Variants in LRRK2 observed in about 807,000 individuals in gnomAD.
LRRK2 encodes leucine-rich repeat serine/threonine-protein kinase 2.
A neutral mutation model predicts 302.6 loss-of-function variants in LRRK2; 203 were observed. The observed-to-expected ratio is 0.67, with a 90% CI of 0.60 to 0.75. The LOEUF is 0.75. Among genes scored for constraint, LRRK2 ranks in the 30% least tolerant of loss-of-function variants. The probability of loss-of-function intolerance (pLI) is 0.00; values close to 1 mark genes in which losing one functional copy is unlikely to be tolerated. For missense variants in LRRK2, 2,830 were observed against 2,951.0 expected (o/e 0.96, Z 0.95); for synonymous variants, 1,066 against 1,031.9 (o/e 1.03, Z -0.63).
At chr12:40,261,489 A>G (rs1460658095) in intron 13 of LRRK2, among the ~76,000 whole-genome samples, 2 of 152,182 alleles carry the variant, frequency 1.3e-5, no homozygotes, top group African/African-American at 4.8e-5. Context: ...ATGTAAAAAA[A>G]TACATTTTAT....
intron 3 of LRRK2, among the ~76,000 whole-genome samples, chr12:40,233,820 C>T (rs951028487): frequency 1.3e-5 from 2 of 152,262 alleles, no homozygotes; most frequent in Middle Eastern, 3.4e-3. Context: ...AAATTTCATT[C>T]ACTCACTCAC....
intron 40 of LRRK2, among the ~76,000 whole-genome samples, 162 bp downstream of exon 40, chr12:40,335,319 A>G (rs1256303838): frequency 1.3e-5 from 2 of 152,222 alleles, no homozygotes; most frequent in African/African-American, 2.4e-5. Flanking sequence ...GTAATTTCAG[A>G]AAATAAGAGT....
At chr12:40,355,551 T>C (rs1238169751) in intron 45 of LRRK2, among the ~76,000 whole-genome samples, 1 of 132,434 alleles carries the variant, frequency 7.6e-6, no homozygotes, top group Non-Finnish European at 1.6e-5. Context: ...CTTCTTCTTT[T>C]TTTTTTTTTT....
intron 14 of LRRK2, among the ~76,000 whole-genome samples, chr12:40,268,447 T>A (rs1943108569): frequency 1.3e-5 from 2 of 152,178 alleles, no homozygotes; most frequent in Middle Eastern, 6.8e-3. Flanking sequence ...AAATTACATA[T>A]AAGTAAAATT....
chr12:40,296,763 A>G (rs1023773142), intron 23 of LRRK2, among the ~76,000 whole-genome samples: 1 of 152,124 alleles, frequency 6.6e-6, no homozygotes, highest in Non-Finnish European at 1.5e-5. Context: ...TTTTCTCTAA[A>G]GTTTTTATAT....
chr12:40,242,612 G>A lies in LRRK2; in HGVS notation c.707-938G>A, dbSNP rs147258655. ...TTGCCCTTCTGGAATGGAGGAAACA[G>A]GTCATAGCTGATTTTAACTGTTCCA... On this transcript the variant is annotated intron_variant, in intron 6 of 50. Coordinates refer to ENST00000298910, the MANE Select transcript of LRRK2 (RefSeq NM_198578.4). Among the ~76,000 whole-genome samples the A allele has an allele frequency of 1.7e-4, 26 of 151,778 alleles. No individual in the cohort carries two copies. The Middle Eastern group carries it at 0.01, about 60-fold the overall frequency.
rs569541268 is a variant in LRRK2, at chr12:40,304,270, A to T, written c.3777+136A>T. The T allele has an allele frequency of 1.4e-5, 11 of 779,226 alleles. 1 individual carries two copies. In the Admixed American group the frequency reaches 2.9e-4, roughly 21 times the overall value. The allele number at this position is 779,226 out of a possible 1,614,324, so 48.3% of individuals were successfully genotyped here. On this transcript the variant is annotated intron_variant, in intron 27 of 50. Coordinates refer to ENST00000298910, the MANE Select transcript of LRRK2 (RefSeq NM_198578.4). ...TTCCTGTTAACTATAAATTCCTGTC[A>T]ACTATAAATCCAGATTTCCATTAAA...
At chr12:40,225,374 G>C in intron 1 of LRRK2, 92 bp downstream of exon 1, 1 of 1,478,174 alleles carries the variant, frequency 6.8e-7, no homozygotes, top group South Asian at 1.2e-5. Context: ...CCTTGACCCT[G>C]CTCAAACCCG....
At chr12:40,317,245 A>G (rs1314770260) in intron 33 of LRRK2, among the ~76,000 whole-genome samples, 1 of 152,070 alleles carries the variant, frequency 6.6e-6, no homozygotes, top group Non-Finnish European at 1.5e-5. Flanking sequence ...TTAAAATGTC[A>G]ATAAAATGAT....
chr12:40,249,686 C>G, intron 7 of LRRK2, 140 bp from the exon 8 acceptor site: 1 of 917,244 alleles, frequency 1.1e-6, no homozygotes, highest in Non-Finnish European at 1.7e-6. Context: ...TCATATTAAG[C>G]TATTTTAATT....
Position 40,310,530 on chromosome 12 carries a change from C to T in LRRK2, c.4417C>T (p.Leu1473Phe), listed in dbSNP as rs1555187766. 1.2e-6 allele frequency: 2 copies of T among 1,612,578 alleles called. No individual in the cohort carries two copies. The highest frequency in any genetic ancestry group is 1.7e-6 in the Non-Finnish European group (2 of 1,179,662). ...KACMSKITKELLNKRGFPAIR... is the reference protein window; with the variant it reads ...KACMSKITKEFLNKRGFPAIR... The stretch of plus-strand genomic sequence containing the variant: ...CTGCATGAGTAAAATCACCAAGGAA[C>T]TCCTGAATAAGCGAGGGTTCCCTGC... The change falls in exon 31 of 51, where the codon CTC becomes TTC. Residue 1473 changes from leucine to phenylalanine, a missense_variant. Leu to Phe is a conservative substitution (Grantham distance 22). This residue lies in a region of LRRK2 where 2,121 missense variants were observed against 2,148.0 expected (regional missense o/e 0.99). Coordinates refer to ENST00000298910, the MANE Select transcript of LRRK2 (RefSeq NM_198578.4).
intron 1 of LRRK2, 72 bp downstream of exon 1, chr12:40,225,354 G>A (rs889046476): frequency 3.8e-6 from 6 of 1,560,762 alleles, no homozygotes; most frequent in Non-Finnish European, 5.2e-6. Flanking sequence ...TGCAAATTTT[G>A]TCCTCCTCCC....
chr12:40,266,157 C>G (rs1943002970), intron 14 of LRRK2, among the ~76,000 whole-genome samples: 1 of 152,072 alleles, frequency 6.6e-6, no homozygotes. Context: ...CAAATGGGAT[C>G]TAATTAAACT....
chr12:40,263,698 T>C (rs1942879627), intron 13 of LRRK2, 91 bp from the exon 14 acceptor site: 3 of 906,558 alleles, frequency 3.3e-6, no homozygotes, highest in Non-Finnish European at 5.3e-6. Context: ...TATTGTGAGA[T>C]TAATTATGAC....
chr12:40,279,098 T>C (rs1451322384), intron 18 of LRRK2, among the ~76,000 whole-genome samples: 1 of 151,302 alleles, frequency 6.6e-6, no homozygotes, highest in Non-Finnish European at 1.5e-5. Context: ...GAGTTTATAC[T>C]AGCATTCAGG....
chr12:40,275,117 G>T (rs1180508401), intron 16 of LRRK2, 124 bp downstream of exon 16: 1 of 1,089,708 alleles, frequency 9.2e-7, no homozygotes, highest in Non-Finnish European at 1.4e-6. Flanking sequence ...TTATCCTTTT[G>T]TAGTATTTTA....
intron 31 of LRRK2, chr12:40,313,024 A>G (rs1945088023): frequency 6.6e-6 from 1 of 152,016 alleles, no homozygotes; most frequent in African/African-American, 2.4e-5. Context: ...TTAAGTTTTT[A>G]GTCACAAGTA....
At chr12:40,325,890 A>AT (rs1565753395) in intron 38 of LRRK2, among the ~76,000 whole-genome samples, 1 of 152,168 alleles carries the variant, frequency 6.6e-6, no homozygotes. Flanking sequence ...ATATAAATGT[A>AT]TGGGATTCTG....
chr12:40,297,329 C>T (rs1944422060), intron 23 of LRRK2, among the ~76,000 whole-genome samples: 1 of 152,166 alleles, frequency 6.6e-6, no homozygotes, highest in South Asian at 2.1e-4. Context: ...AGCTCAGAAC[C>T]TTCTCTTAGG....
Sources: allele counts gnomAD v4.1 joint callset (sites outside exome capture counted in the v4.1 genomes callset), GRCh38; gene constraint gnomAD v4.1.1; regional missense constraint gnomAD v4.1.1; transcripts MANE v1.5; gene names NCBI Gene and HGNC (gene_info 2026-07-23, HGNC 2026-07-21).